Variants in ADCY10 observed in about 807,000 individuals in gnomAD.
The protein encoded by ADCY10 is adenylate cyclase type 10.
Under a neutral mutation model 183.3 loss-of-function variants are expected in ADCY10, and 156 were observed. The observed-to-expected ratio is 0.85, with a 90% confidence interval of 0.75 to 0.97. The LOEUF is 0.97. Among genes scored for constraint, ADCY10 ranks in the 50% least tolerant of loss-of-function variants. The pLI is 0.00. For synonymous variants in ADCY10, 645 were observed against 670.0 expected, an observed-to-expected ratio of 0.96 and a Z score of 0.58; for missense variants, 1,745 against 1,934.3, an observed-to-expected ratio of 0.90 and a Z score of 1.84.
At chr1:167,820,207 G>C (rs1662804464) in intron 30 of ADCY10, 2 of 1,543,244 alleles carry the variant, frequency 1.3e-6, no homozygotes. Context: ...AGGCTGCGAC[G>C]GCTTCTCCTC....
intron 9 of ADCY10, among the ~76,000 whole-genome samples, chr1:167,883,061 G>A (rs203851): frequency 0.023 from 3,514 of 152,248 alleles, 100 homozygotes; most frequent in African/African-American, 0.073. Context: ...TAGTTGAGAC[G>A]GAGTCTCACG....
In ADCY10 at chr1:167,809,541, G is replaced by A. The variant is rs985328086; in HGVS notation, c.*137C>T. ...CCTTGTAGGCCCTCCAGAAAGAGAA[G>A]AAATCAACATGTCTGTTTCTGTGTC... On this transcript the variant is annotated 3_prime_UTR_variant, in exon 33 of 33. Coordinates refer to ENST00000367851, the MANE Select transcript of ADCY10 (RefSeq NM_018417.6). The A allele has an allele frequency of 1.9e-5, 18 of 970,646 alleles. No homozygotes were observed. The highest frequency in any genetic ancestry group is 2.7e-5 in the Non-Finnish European group (17 of 626,304). The allele number at this position is 970,646 out of a possible 1,614,324, so 60.1% of individuals were successfully genotyped here.
intron 7 of ADCY10, among the ~76,000 whole-genome samples, chr1:167,894,607 A>T (rs1198673531): frequency 6.6e-6 from 1 of 151,260 alleles, no homozygotes; most frequent in African/African-American, 2.5e-5. Flanking sequence ...GAAAATGATA[A>T]TGTGAAAAAA....
Position 167,848,443 on chromosome 1 carries a change from A to G in ADCY10, c.2355T>C (p.His785=). 3.1e-6 allele frequency: 5 copies of G among 1,613,722 alleles called. No individual in the cohort carries two copies. The highest frequency in any genetic ancestry group is 4.2e-6 in the Non-Finnish European group (5 of 1,179,652). The change falls in exon 19 of 33, where the codon CAT becomes CAC. Residue 785 remains histidine (H), a synonymous_variant. Coordinates refer to ENST00000367851, the MANE Select transcript of ADCY10 (RefSeq NM_018417.6). ...AGACTTCTTCACTTTCCTTATCACT[A>G]TGGAGAGTAACCATGTTTAACTTCT... is the stretch of plus-strand genomic sequence containing the variant. ...LTEKLNMVTL[H]SDKESEEVCH...
In ADCY10 at chr1:167,882,480, G is replaced by A. The variant is rs187809297; in HGVS notation, c.1020+957C>T. Among the ~76,000 whole-genome samples the A allele has an allele frequency of 4.2e-3, 411 of 97,814 alleles. 1 individual carries two copies. The highest frequency in any genetic ancestry group is 0.016 in the African/African-American group (396 of 25,272). The allele number at this position is 97,814 out of a possible 152,430, so 64.2% of individuals were successfully genotyped here. A position where few individuals can be genotyped will look rare whatever the true frequency, so the allele number is the denominator to read the frequency against. ...AGCCTGGGCAATAGAGCAAGATTCC[G>A]TCTCAAAAAAAAAAAAAAAAAAAAG... On this transcript the variant is annotated intron_variant, in intron 9 of 32. Coordinates refer to ENST00000367851, the MANE Select transcript of ADCY10 (RefSeq NM_018417.6).
At chr1:167,876,043 G>C (rs1209899785) in intron 12 of ADCY10, among the ~76,000 whole-genome samples, 2 of 152,052 alleles carry the variant, frequency 1.3e-5, no homozygotes, top group Admixed American at 6.5e-5. Flanking sequence ...GATCATCTGA[G>C]GTCAGGAGTT....
intron 6 of ADCY10, 123 bp downstream of exon 6, chr1:167,899,299 AC>A (rs1373738618): frequency 1.0e-6 from 1 of 954,470 alleles, no homozygotes; most frequent in Non-Finnish European, 1.7e-6. Context: ...CCTAACCCAG[AC>A]TGACCCCATC....
intron 16 of ADCY10, among the ~76,000 whole-genome samples, chr1:167,858,273 G>T (rs1183698729): frequency 1.3e-5 from 2 of 152,068 alleles, no homozygotes; most frequent in African/African-American, 2.4e-5. Flanking sequence ...GCTGAGATGG[G>T]CGGATCACAA....
chr1:167,841,657 G>A (rs1664655325), intron 21 of ADCY10, among the ~76,000 whole-genome samples: 1 of 151,938 alleles, frequency 6.6e-6, no homozygotes, highest in South Asian at 2.1e-4. Flanking sequence ...ATCGCACCTG[G>A]CTAATTCTTT....
At chr1:167,852,421 G>A (rs1270360646) in intron 18 of ADCY10, among the ~76,000 whole-genome samples, 1 of 151,970 alleles carries the variant, frequency 6.6e-6, no homozygotes, top group East Asian at 1.9e-4. Flanking sequence ...CCCAGCCTGG[G>A]CGACAGAGTG....
At chr1:167,810,515 C>G (rs1436223830) in intron 32 of ADCY10, among the ~76,000 whole-genome samples, 1 of 152,188 alleles carries the variant, frequency 6.6e-6, no homozygotes, top group African/African-American at 2.4e-5. Context: ...CTGTGAGGAA[C>G]GGACCCTCAC....
intron 29 of ADCY10, among the ~76,000 whole-genome samples, chr1:167,822,512 G>A (rs1662976087): frequency 6.6e-6 from 1 of 152,150 alleles, no homozygotes; most frequent in African/African-American, 2.4e-5. Flanking sequence ...AACAATTCAG[G>A]TTGGTTCCTG....
rs560030199 is a variant in ADCY10 at position 167,891,899 on chromosome 1, G to A, written c.828+1954C>T. ...CTTCCTAATTGCCTAGAAGGTCCTG[G>A]TTTCATGTAATTTTATTCTTTTTAT... On this transcript the variant is annotated intron_variant, in intron 8 of 32. Transcript: ENST00000367851. Among the ~76,000 whole-genome samples the A allele has an allele frequency of 6.9e-4, 105 of 151,704 alleles. 1 individual carries two copies. Among genetic ancestry groups the A allele is most frequent in the Non-Finnish European group, 1.4e-3 (93 of 67,908 alleles).
At chr1:167,891,959 G>A (rs2102343844) in intron 8 of ADCY10, among the ~76,000 whole-genome samples, 1 of 151,058 alleles carries the variant, frequency 6.6e-6, no homozygotes, top group Non-Finnish European at 1.5e-5. Context: ...TAACCAATGT[G>A]CTAATTTTTT....
chr1:167,820,422 G>T (rs1302439995), intron 30 of ADCY10: 2 of 518,680 alleles, frequency 3.9e-6, no homozygotes, highest in East Asian at 6.6e-5. Context: ...TGCCCTCCAG[G>T]TGATTTTTAT....
At chr1:167,863,691 C>T (rs28775434) in intron 14 of ADCY10, among the ~76,000 whole-genome samples, 4,415 of 152,330 alleles carry the variant, frequency 0.029, 223 homozygotes, top group African/African-American at 0.1. Flanking sequence ...GCCAGAGTGA[C>T]GCGGATCCTG....
chr1:167,856,091 AGAAATCTGAT>A (rs765646021), intron 17 of ADCY10, 64 bp downstream of exon 17: 67 of 1,542,206 alleles, frequency 4.3e-5, no homozygotes, highest in Admixed American at 5.1e-5. Context: ...ACACATACTA[AGAAATCTGAT>A]GAAGTCTAGA....
Position 167,870,240 on chromosome 1 carries a change from C to T in ADCY10, c.1616+17G>A. Reference sequence around the variant, plus strand: ...ATTCTATGGGTTCACACAGAACAATCATTCCAAGACACTCACCTGTGATTC... The same window carrying T: ...ATTCTATGGGTTCACACAGAACAATTATTCCAAGACACTCACCTGTGATTC... On this transcript the variant is annotated intron_variant, in intron 14 of 32. Transcript: ENST00000367851. The T allele has an allele frequency of 6.2e-7, 1 of 1,613,910 alleles. No individual in the cohort carries two copies. The highest frequency in any genetic ancestry group is 1.3e-5 in the African/African-American group (1 of 75,042).
chr1:167,877,874 G>C (rs1294676602), intron 12 of ADCY10, among the ~76,000 whole-genome samples: 1 of 152,166 alleles, frequency 6.6e-6, no homozygotes, highest in Non-Finnish European at 1.5e-5. Context: ...AAACAACCCA[G>C]AGGAGGGGGA....
Sources: gnomAD v4.1 joint callset for allele counts (sites outside exome capture counted in the v4.1 genomes callset) on GRCh38, gnomAD v4.1.1 for gene constraint, MANE v1.5 for transcripts, NCBI Gene and HGNC (gene_info 2026-07-23, HGNC 2026-07-21) for gene names.